The following DENND2A variants were observed in gnomAD, a reference collection of about 807,000 sequenced individuals.
DENND2A encodes the protein DENN domain-containing protein 2A.
Under a neutral mutation model 105.3 loss-of-function variants are expected in DENND2A, and 53 were observed. That is an observed-to-expected ratio of 0.50 (90% CI 0.40 to 0.63). The LOEUF (loss-of-function observed/expected upper bound fraction) is 0.63. Ranked by LOEUF, DENND2A falls within the 30% of genes least tolerant of loss-of-function variation. The pLI, the probability that DENND2A is intolerant of heterozygous loss-of-function variation, is 0.00. For synonymous variants in DENND2A, 522 were observed against 508.4 expected, an observed-to-expected ratio of 1.03 and a Z score of -0.36; for missense variants, 1,138 against 1,279.6, an observed-to-expected ratio of 0.89 and a Z score of 1.69.
chr7:140,607,774 G>A (rs73736641), intron 1 of DENND2A, among the ~76,000 whole-genome samples: 1,536 of 152,052 alleles, frequency 0.01, 24 homozygotes, highest in African/African-American at 0.035. Context: ...CCCCACCACC[G>A]CCACCACCCT....
chr7:140,622,653 A>G (rs758633617), intron 1 of DENND2A, among the ~76,000 whole-genome samples: 3 of 152,182 alleles, frequency 2.0e-5, no homozygotes, highest in Non-Finnish European at 4.4e-5. Context: ...CCCAGGTCCA[A>G]GAGACAATTC....
intron 14 of DENND2A, among the ~76,000 whole-genome samples, chr7:140,536,090 C>G (rs555816953): frequency 6.6e-6 from 1 of 152,184 alleles, no homozygotes; most frequent in Non-Finnish European, 1.5e-5. Context: ...TGGTGGTTCA[C>G]GCCTATAATC....
At chr7:140,616,241 C>T (rs1236853483) in intron 1 of DENND2A, among the ~76,000 whole-genome samples, 1 of 152,066 alleles carries the variant, frequency 6.6e-6, no homozygotes, top group Non-Finnish European at 1.5e-5. Flanking sequence ...GTGGCGGGCG[C>T]CTGTAACCTA....
chr7:140,558,327 A>C, intron 10 of DENND2A, 115 bp from the exon 11 acceptor site: 2 of 718,698 alleles, frequency 2.8e-6, no homozygotes, highest in Non-Finnish European at 2.4e-6. Context: ...AGGAGGCTGT[A>C]GGAAAGGCCA....
intron 14 of DENND2A, among the ~76,000 whole-genome samples, chr7:140,542,628 A>G (rs6962849): frequency 0.034 from 4,830 of 143,448 alleles, 246 homozygotes; most frequent in African/African-American, 0.12. Flanking sequence ...GCAATGGCGC[A>G]ATCTCAGCTC....
intron 3 of DENND2A, among the ~76,000 whole-genome samples, chr7:140,588,258 C>G (rs1271139310): frequency 6.6e-6 from 1 of 152,020 alleles, no homozygotes; most frequent in Non-Finnish European, 1.5e-5. Flanking sequence ...AGAGATGTGG[C>G]TTTTATGTGC....
intron 11 of DENND2A, 36 bp downstream of exon 11, chr7:140,558,107 C>T (rs12704002): frequency 0.58 from 922,486 of 1,588,142 alleles, 273,632 homozygotes; most frequent in East Asian, 0.84. Flanking sequence ...AGGAAGTCCA[C>T]GAGGCTCTTG....
chr7:140,578,605 G>A (rs1462791442), intron 5 of DENND2A, among the ~76,000 whole-genome samples: 1 of 152,230 alleles, frequency 6.6e-6, no homozygotes, highest in East Asian at 1.9e-4. Context: ...CAAGGGCCAG[G>A]TGCAGTGGCT....
chr7:140,597,469 T>C (rs996690243), intron 3 of DENND2A, among the ~76,000 whole-genome samples: 1 of 152,306 alleles, frequency 6.6e-6, no homozygotes, highest in African/African-American at 2.4e-5. Context: ...TATCTTGCCC[T>C]AATCACCTCC....
At chr7:140,535,542 A>G (rs1026412135) in intron 14 of DENND2A, among the ~76,000 whole-genome samples, 2 of 151,944 alleles carry the variant, frequency 1.3e-5, no homozygotes, top group African/African-American at 4.8e-5. Flanking sequence ...GATCATCGCT[A>G]GATCGTTGCT....
intron 12 of DENND2A, 45 bp downstream of exon 12, chr7:140,555,591 C>T: frequency 6.3e-7 from 1 of 1,586,048 alleles, no homozygotes. Flanking sequence ...CTCTAGAGCC[C>T]TCCCGTTCCT....
At position 140,555,634 on chromosome 7, in the gene DENND2A, A is replaced by G; in HGVS notation, c.2037+2T>C. 6.2e-7 allele frequency: 1 copy of G among 1,611,194 alleles called. No homozygotes were observed. Among genetic ancestry groups the G allele is most frequent in the Non-Finnish European group, 8.5e-7 (1 of 1,179,014 alleles). On this transcript the variant is annotated splice_donor_variant, in intron 12 of 19. Transcript: ENST00000496613. LOFTEE classifies it high-confidence loss of function. ...CTCTTTCTCTGAGGTCCAAGTTCTC[A>G]CCCTTGAAAAGAGGCTGAAGCATCC...
chr7:140,629,364 A>G (rs1800652648), intron 1 of DENND2A, among the ~76,000 whole-genome samples: 1 of 152,166 alleles, frequency 6.6e-6, no homozygotes, highest in African/African-American at 2.4e-5. Context: ...GAAAGACTCC[A>G]TTGGATTCCA....
At chr7:140,618,505 A>T (rs572796268) in intron 1 of DENND2A, among the ~76,000 whole-genome samples, 66 of 152,264 alleles carry the variant, frequency 4.3e-4, no homozygotes, top group African/African-American at 1.5e-3. Context: ...AGCCTCAGGG[A>T]GTTAGGTCAC....
At chr7:140,597,986 A>T (rs916104541) in intron 3 of DENND2A, among the ~76,000 whole-genome samples, 1 of 151,832 alleles carries the variant, frequency 6.6e-6, no homozygotes, top group Non-Finnish European at 1.5e-5. Flanking sequence ...CCTAGTAAAG[A>T]TAGTGCAATC....
chr7:140,546,977 C>G, intron 12 of DENND2A, 38 bp from the exon 13 acceptor site: 1 of 1,595,442 alleles, frequency 6.3e-7, no homozygotes, highest in Admixed American at 1.7e-5. Flanking sequence ...TATTCCGAAG[C>G]CAAAGCACCA....
At chr7:140,636,495 T>G (rs956102099) in intron 1 of DENND2A, among the ~76,000 whole-genome samples, 1 of 152,140 alleles carries the variant, frequency 6.6e-6, no homozygotes, top group Non-Finnish European at 1.5e-5. Flanking sequence ...AGGCATCCCA[T>G]GTGTCCCACC....
In DENND2A at chr7:140,544,687, C is replaced by T. The variant is rs766206225; in HGVS notation, c.2258G>A (p.Arg753His). The T allele has an allele frequency of 3.7e-6, 6 of 1,613,810 alleles. No individual in the cohort carries two copies. The highest frequency in any genetic ancestry group is 1.1e-5 in the South Asian group (1 of 91,020). Residue 753 changes from arginine to histidine, a missense_variant, in exon 14 of 20, where the codon CGC (arginine) becomes CAC (histidine). Arg to His is a conservative substitution (Grantham distance 29). Transcript: ENST00000496613. ...FESLFSSLSV[R>H]HLVCVFASLL... ...GGAGGCAAACACACAGACCAGGTGG[C>T]GGACGCTGAGGGAGGAGAAGAGAGA...
At chr7:140,574,834 A>G (rs554291651) in intron 5 of DENND2A, among the ~76,000 whole-genome samples, 3 of 152,148 alleles carry the variant, frequency 2.0e-5, no homozygotes, top group South Asian at 2.1e-4. Flanking sequence ...CCTGGCCAAC[A>G]TGGTGAAACC....
Sources: gnomAD v4.1 joint callset for allele counts (sites outside exome capture counted in the v4.1 genomes callset) on GRCh38, gnomAD v4.1.1 for gene constraint, MANE v1.5 for transcripts, NCBI Gene and HGNC (gene_info 2026-07-23, HGNC 2026-07-21) for gene names.